ASTN2: variants seen among roughly 807,000 people sequenced by gnomAD.
ASTN2 encodes astrotactin 2.
A neutral mutation model predicts 139.8 loss-of-function variants in ASTN2; 54 were observed. The ratio of observed to expected loss-of-function variants is 0.39; its 90% CI spans 0.31 to 0.48. The LOEUF (loss-of-function observed/expected upper bound fraction) is 0.48, where lower values mean the gene tolerates loss of function less well. Ranked by LOEUF, ASTN2 falls within the 20% of genes least tolerant of loss-of-function variation. The probability of loss-of-function intolerance (pLI) is 0.95; values close to 1 mark genes in which losing one functional copy is unlikely to be tolerated. For missense variants in ASTN2, 1,565 were observed against 1,725.1 expected (o/e 0.91, Z 1.64); for synonymous variants, 756 against 719.5 (o/e 1.05, Z -0.81).
intron 10 of ASTN2, among the ~76,000 whole-genome samples, chr9:116,879,534 A>G (rs7868999): frequency 0.36 from 54,007 of 152,020 alleles, 10,163 homozygotes; most frequent in East Asian, 0.54. Context: ...TACATAAATC[A>G]TAGATTATAA....
At chr9:116,480,783 G>A (rs1322534653) in intron 20 of ASTN2, among the ~76,000 whole-genome samples, 1 of 152,186 alleles carries the variant, frequency 6.6e-6, no homozygotes, top group East Asian at 1.9e-4. Flanking sequence ...AGACCTTGAG[G>A]AAGGAAGAGA....
intron 19 of ASTN2, among the ~76,000 whole-genome samples, chr9:116,615,044 C>T (rs186069824): frequency 6.4e-4 from 97 of 152,230 alleles, no homozygotes; most frequent in African/African-American, 2.2e-3. Context: ...ATCAAACAAA[C>T]ACATCAAAAA....
intron 5 of ASTN2, among the ~76,000 whole-genome samples, chr9:117,094,019 G>T (rs1828772635): frequency 6.6e-6 from 1 of 151,938 alleles, no homozygotes; most frequent in South Asian, 2.1e-4. Context: ...ATTGTTGTTT[G>T]GTTTGTGTCC....
intron 10 of ASTN2, among the ~76,000 whole-genome samples, chr9:116,886,763 G>A (rs979000113): frequency 6.6e-6 from 1 of 152,144 alleles, no homozygotes; most frequent in Non-Finnish European, 1.5e-5. Flanking sequence ...TCTATTACAT[G>A]ATAGGTACTG....
intron 2 of ASTN2, among the ~76,000 whole-genome samples, chr9:117,260,774 T>A: frequency 6.6e-6 from 1 of 152,170 alleles, no homozygotes; most frequent in African/African-American, 2.4e-5. Context: ...TGTTGTGGAA[T>A]GAGTCTGGTT....
At chr9:117,157,942 A>C (rs369845903) in intron 3 of ASTN2, among the ~76,000 whole-genome samples, 1 of 152,162 alleles carries the variant, frequency 6.6e-6, no homozygotes. Context: ...AGGGAAAAGA[A>C]TGCATCATGA....
intron 10 of ASTN2, among the ~76,000 whole-genome samples, chr9:116,944,681 CAAAAAAAAAAAA>C (rs34943919): frequency 1.9e-5 from 1 of 53,360 alleles, no homozygotes; most frequent in South Asian, 8.5e-4. Flanking sequence ...GACTCTGTCT[CAAAAAAAAAAAA>C]AAAAAAAAAA....
intron 20 of ASTN2, among the ~76,000 whole-genome samples, chr9:116,473,732 G>A (rs1564301511): frequency 2.6e-5 from 4 of 152,130 alleles, no homozygotes; most frequent in South Asian, 2.1e-4. Context: ...GCAAAATGCC[G>A]TCTCTACTAA....
At chr9:117,026,229 T>C (rs1838076289) in intron 6 of ASTN2, among the ~76,000 whole-genome samples, 1 of 152,174 alleles carries the variant, frequency 6.6e-6, no homozygotes, top group Admixed American at 6.5e-5. Context: ...GTGGTTACCA[T>C]GGGCCAGGCC....
At chr9:116,786,229 G>C (rs1174990403) in intron 13 of ASTN2, among the ~76,000 whole-genome samples, 1 of 152,098 alleles carries the variant, frequency 6.6e-6, no homozygotes, top group Non-Finnish European at 1.5e-5. Flanking sequence ...AAGTCTTCCA[G>C]CCTGTAAAAC....
At chr9:116,903,797 A>T (rs1361805553) in intron 10 of ASTN2, among the ~76,000 whole-genome samples, 2 of 152,208 alleles carry the variant, frequency 1.3e-5, no homozygotes, top group African/African-American at 4.8e-5. Context: ...CTGAGGCCCA[A>T]AGGAAAGAGG....
At chr9:116,847,307 C>G (rs535246501) in intron 11 of ASTN2, among the ~76,000 whole-genome samples, 2 of 151,912 alleles carry the variant, frequency 1.3e-5, no homozygotes, top group African/African-American at 4.8e-5. Flanking sequence ...GTAGAGACGG[C>G]GTTTCACTAT....
chr9:117,180,988 C>G, intron 3 of ASTN2: 1 of 1,596,720 alleles, frequency 6.3e-7, no homozygotes. Context: ...CTGGGGCTTT[C>G]CAAAGGCACC....
At chr9:116,926,290 G>T (rs1166495541) in intron 10 of ASTN2, among the ~76,000 whole-genome samples, 2 of 152,102 alleles carry the variant, frequency 1.3e-5, no homozygotes, top group African/African-American at 4.8e-5. Context: ...AAAACATATT[G>T]ATTTCAATAA....
At chr9:117,034,670 A>C (rs1335289718) in intron 6 of ASTN2, among the ~76,000 whole-genome samples, 1 of 152,162 alleles carries the variant, frequency 6.6e-6, no homozygotes, top group African/African-American at 2.4e-5. Context: ...CCCTCAGAGA[A>C]TCTGACTCAC....
At chr9:117,022,655 T>C (rs1295101118) in intron 6 of ASTN2, among the ~76,000 whole-genome samples, 1 of 152,112 alleles carries the variant, frequency 6.6e-6, no homozygotes, top group African/African-American at 2.4e-5. Flanking sequence ...TCCTGAAATT[T>C]CACCTTGCAA....
chr9:116,501,569 T>C (rs564211833), intron 19 of ASTN2, among the ~76,000 whole-genome samples: 2 of 152,272 alleles, frequency 1.3e-5, no homozygotes, highest in Non-Finnish European at 2.9e-5. Context: ...TGAACTAGTT[T>C]ACAGTCCCAC....
At chr9:117,135,762 G>C (rs1053154415) in intron 4 of ASTN2, among the ~76,000 whole-genome samples, 3 of 152,178 alleles carry the variant, frequency 2.0e-5, no homozygotes, top group African/African-American at 7.2e-5. Flanking sequence ...CAGATGCTGA[G>C]GCTGGATTTT....
Position 116,702,149 on chromosome 9 carries a change from C to T in ASTN2, c.2806+23622G>A, listed in dbSNP as rs558011557. ...AGTTCTGTCTTATTAGTCATGTGGC[C>T]TTGGGCAAGTCATTTAACTCTTCCT... On this transcript the variant is annotated intron_variant, in intron 16 of 22. Transcript: ENST00000313400. Among the ~76,000 whole-genome samples the T allele has an allele frequency of 2.2e-4, 34 of 152,144 alleles. 1 individual carries two copies. In the East Asian group the frequency reaches 5.6e-3, roughly 25 times the overall value.
Sources: gnomAD v4.1 joint callset for allele counts (sites outside exome capture counted in the v4.1 genomes callset) on GRCh38, gnomAD v4.1.1 for gene constraint, MANE v1.5 for transcripts, NCBI Gene and HGNC (gene_info 2026-07-23, HGNC 2026-07-21) for gene names.